AVEN: variants seen among roughly 807,000 people sequenced by gnomAD.
AVEN encodes apoptosis and caspase activation inhibitor, also known as cell death regulator Aven.
A neutral mutation model predicts 38.1 loss-of-function variants in AVEN; 41 were observed. That is an observed-to-expected ratio of 1.08 (90% CI 0.84 to 1.40). The LOEUF (loss-of-function observed/expected upper bound fraction) is 1.40. Among genes scored for constraint, AVEN ranks in the 40% most tolerant of loss-of-function variants. The pLI is 0.00. For missense variants in AVEN, 605 were observed against 438.8 expected (o/e 1.38, Z -3.38); for synonymous variants, 206 against 171.8 (o/e 1.20, Z -1.56).
chr15:34,017,608 T>A (rs1169175412), intron 1 of AVEN, among the ~76,000 whole-genome samples: 2 of 151,150 alleles, frequency 1.3e-5, no homozygotes, highest in Admixed American at 1.3e-4. Context: ...GTCTCTCAAG[T>A]AGCTGTGACT....
chr15:34,001,201 T>C (rs533498065), intron 2 of AVEN, among the ~76,000 whole-genome samples: 66 of 151,886 alleles, frequency 4.3e-4, no homozygotes, highest in African/African-American at 1.3e-3. Context: ...TTTGTGTTTT[T>C]AGTAGAAACG....
chr15:33,906,389 T>C (rs953780396), intron 2 of AVEN, among the ~76,000 whole-genome samples: 2 of 152,240 alleles, frequency 1.3e-5, no homozygotes, highest in African/African-American at 2.4e-5. Context: ...GATATGCCAC[T>C]GTACATAGAT....
chr15:33,927,453 C>A (rs1295496765), intron 2 of AVEN, among the ~76,000 whole-genome samples: 1 of 151,976 alleles, frequency 6.6e-6, no homozygotes, highest in Admixed American at 6.6e-5. Flanking sequence ...TTCTCCAGTG[C>A]CAACTATATG....
At chr15:33,973,736 C>A (rs900208679) in intron 2 of AVEN, among the ~76,000 whole-genome samples, 2 of 152,124 alleles carry the variant, frequency 1.3e-5, no homozygotes. Context: ...GTCTGACATA[C>A]GAAATTGCAT....
At chr15:33,922,892 TAAA>T (rs1893455573) in intron 2 of AVEN, among the ~76,000 whole-genome samples, 1 of 152,198 alleles carries the variant, frequency 6.6e-6, no homozygotes, top group South Asian at 2.1e-4. Context: ...CAATTCCCTG[TAAA>T]AAGTTCAATC....
At chr15:34,014,281 T>C (rs565280903) in intron 1 of AVEN, among the ~76,000 whole-genome samples, 7 of 150,296 alleles carry the variant, frequency 4.7e-5, no homozygotes, top group African/African-American at 1.7e-4. Flanking sequence ...GGAGGATTGC[T>C]TGAACCCAGG....
chr15:33,925,624 C>T (rs182519424), intron 2 of AVEN, among the ~76,000 whole-genome samples: 167 of 152,208 alleles, frequency 1.1e-3, no homozygotes, highest in African/African-American at 3.5e-3. Flanking sequence ...CCCATCAGCA[C>T]GGGTGAGAGC....
At chr15:33,857,884 G>A (rs2079860253), downstream of AVEN, 3 of 1,614,154 alleles carry the variant, frequency 1.9e-6, no homozygotes, top group East Asian at 2.2e-5. Context: ...ACGATGACGA[G>A]CCCGATATGA....
chr15:34,008,280 G>C (rs1237643842), intron 1 of AVEN, among the ~76,000 whole-genome samples: 1 of 151,804 alleles, frequency 6.6e-6, no homozygotes, highest in Non-Finnish European at 1.5e-5. Context: ...AATTAGCCAG[G>C]TATGGTGGTG....
At chr15:33,861,173 C>G (rs1164941988) in intron 11 of AVEN, 11 of 1,583,762 alleles carry the variant, frequency 6.9e-6, no homozygotes, top group Non-Finnish European at 9.5e-6. Context: ...ACTTAGCCAA[C>G]TACTTGTGAG....
At chr15:33,965,702 T>C (rs1312661315) in intron 2 of AVEN, among the ~76,000 whole-genome samples, 1 of 152,066 alleles carries the variant, frequency 6.6e-6, no homozygotes, top group Admixed American at 6.5e-5. Context: ...TTGAGACATC[T>C]GAACAAAAGA....
intron 2 of AVEN, among the ~76,000 whole-genome samples, chr15:33,947,035 G>A (rs1399464814): frequency 6.6e-6 from 1 of 152,150 alleles, no homozygotes; most frequent in Non-Finnish European, 1.5e-5. Flanking sequence ...TCTGTAGACA[G>A]GTTAGGGCCA....
At chr15:34,002,549 T>G (rs1897176802) in intron 2 of AVEN, among the ~76,000 whole-genome samples, 1 of 152,078 alleles carries the variant, frequency 6.6e-6, no homozygotes, top group Non-Finnish European at 1.5e-5. Flanking sequence ...CAGAGAAGAC[T>G]ATCCAAAAGC....
At chr15:33,904,061 T>C (rs1311726101) in intron 2 of AVEN, among the ~76,000 whole-genome samples, 1 of 152,250 alleles carries the variant, frequency 6.6e-6, no homozygotes, top group Non-Finnish European at 1.5e-5. Flanking sequence ...CACTGTCGTA[T>C]ATGTGGTCCA....
chr15:34,071,517 C>G (rs560006785), intron 1 of AVEN, among the ~76,000 whole-genome samples: 6 of 152,176 alleles, frequency 3.9e-5, no homozygotes, highest in Middle Eastern at 3.4e-3. Flanking sequence ...CTCAAGTGAT[C>G]CTCCTACCTC....
At chr15:33,882,952 C>A (rs1342370050) in intron 2 of AVEN, among the ~76,000 whole-genome samples, 3 of 152,168 alleles carry the variant, frequency 2.0e-5, no homozygotes, top group Non-Finnish European at 4.4e-5. Flanking sequence ...CAATCTTACA[C>A]ATGCTTCTGA....
chr15:34,036,352 A>C (rs1899124967), intron 1 of AVEN, among the ~76,000 whole-genome samples: 1 of 152,172 alleles, frequency 6.6e-6, no homozygotes, highest in African/African-American at 2.4e-5. Flanking sequence ...GCAGTGGTCC[A>C]AAATAGAAAG....
At chr15:33,944,527 A>T (rs1372917540) in intron 2 of AVEN, among the ~76,000 whole-genome samples, 1 of 152,062 alleles carries the variant, frequency 6.6e-6, no homozygotes, top group South Asian at 2.1e-4. Flanking sequence ...AAAACACTCA[A>T]CCAGGCCAGG....
At chr15:34,073,032 CTT>C (rs67627511) in intron 1 of AVEN, among the ~76,000 whole-genome samples, 22 of 148,446 alleles carry the variant, frequency 1.5e-4, no homozygotes, top group Middle Eastern at 3.5e-3. Flanking sequence ...TGTACAGACA[CTT>C]TTTTTTTTTC....
Sources: gnomAD v4.1 joint callset for allele counts (sites outside exome capture counted in the v4.1 genomes callset) on GRCh38, gnomAD v4.1.1 for gene constraint, MANE v1.5 for transcripts, NCBI Gene and HGNC (gene_info 2026-07-23, HGNC 2026-07-21) for gene names.